Variants in INVS observed in about 807,000 individuals in gnomAD.
The protein encoded by INVS is inversion of embryo turning homolog.
Under a neutral mutation model 108.8 loss-of-function variants are expected in INVS, and 86 were observed. The ratio of observed to expected loss-of-function variants is 0.79; its 90% confidence interval spans 0.66 to 0.95. INVS has a LOEUF of 0.95. Among genes scored for constraint, INVS ranks in the 40% least tolerant of loss-of-function variants. INVS has a pLI of 0.00. For missense variants in INVS, 1,169 were observed against 1,297.4 expected (o/e 0.90, Z 1.52); for synonymous variants, 455 against 473.5 (o/e 0.96, Z 0.51).
At chr9:100,271,017 A>G (rs1028122632) in intron 11 of INVS, among the ~76,000 whole-genome samples, 2 of 152,160 alleles carry the variant, frequency 1.3e-5, no homozygotes, top group South Asian at 4.1e-4. Flanking sequence ...TGACAATAAT[A>G]TTCATCGTTT....
intron 3 of INVS, among the ~76,000 whole-genome samples, chr9:100,146,324 T>C (rs972865990): frequency 3.9e-5 from 6 of 151,956 alleles, no homozygotes; most frequent in Non-Finnish European, 8.8e-5. Context: ...CACAAGGTGC[T>C]CAGTAGGGGA....
At chr9:100,115,077 A>G (rs545069221) in intron 2 of INVS, among the ~76,000 whole-genome samples, 117 of 152,326 alleles carry the variant, frequency 7.7e-4, no homozygotes, top group African/African-American at 2.5e-3. Flanking sequence ...TTCTACAACT[A>G]GGTTCTACAT....
At chr9:100,235,634 T>G (rs1217412047) in intron 5 of INVS, among the ~76,000 whole-genome samples, 1 of 152,196 alleles carries the variant, frequency 6.6e-6, no homozygotes, top group East Asian at 1.9e-4. Flanking sequence ...AAGCTTAGTT[T>G]GGCTGGATAT....
intron 8 of INVS, among the ~76,000 whole-genome samples, chr9:100,249,950 T>C (rs1347608123): frequency 6.6e-6 from 1 of 151,784 alleles, no homozygotes; most frequent in Non-Finnish European, 1.5e-5. Flanking sequence ...GCTAACATTA[T>C]AAAAATGAGC....
At position 100,229,748 on chromosome 9, in the gene INVS, A is replaced by G; in HGVS notation, c.536A>G (p.Asp179Gly). Residue 179 changes from aspartate (D) to glycine (G), a missense_variant, in exon 5 of 17, where the codon GAT becomes GGT. Asp to Gly is a moderately conservative substitution (Grantham distance 94). Around this residue, in one of 3 missense-constraint regions of INVS, gnomAD observed 365 missense variants for 397.5 expected, o/e 0.92. Coordinates refer to ENST00000262457, the MANE Select transcript of INVS (RefSeq NM_014425.5). Reference protein sequence around the residue: ...IKHDSNIGIPDVEGKIPLHWA... With the variant: ...IKHDSNIGIPGVEGKIPLHWA... ...CATGATTCTAACATTGGGATTCCTG[A>G]TGTTGAAGGCAAGATCCCACTTCAC... The G allele has an allele frequency of 6.2e-7, 1 of 1,614,106 alleles. No individual in the cohort carries two copies. The highest frequency in any genetic ancestry group is 8.5e-7 in the Non-Finnish European group (1 of 1,179,976).
chr9:100,218,211 TTA>T (rs1394896706), intron 3 of INVS, among the ~76,000 whole-genome samples: 1 of 151,858 alleles, frequency 6.6e-6, no homozygotes, highest in Non-Finnish European at 1.5e-5. Flanking sequence ...TAGTGAACAT[TTA>T]TATATATATA....
chr9:100,156,160 C>T (rs545279189), intron 3 of INVS, among the ~76,000 whole-genome samples: 10 of 151,984 alleles, frequency 6.6e-5, no homozygotes, highest in South Asian at 4.2e-4. Flanking sequence ...CCACAGAAGC[C>T]GTGTTAAAGG....
chr9:100,277,714 C>CCTA (rs768393368), intron 12 of INVS, among the ~76,000 whole-genome samples: 21 of 152,172 alleles, frequency 1.4e-4, no homozygotes, highest in Admixed American at 2.6e-4. Flanking sequence ...GGTCCTAAGA[C>CCTA]ACACGACATT....
At chr9:100,172,217 C>A (rs1829564062) in intron 3 of INVS, among the ~76,000 whole-genome samples, 1 of 152,086 alleles carries the variant, frequency 6.6e-6, no homozygotes, top group Admixed American at 6.6e-5. Context: ...TGAATCTTAG[C>A]CCTTATTATC....
rs746617240 is a variant in INVS at position 100,284,431 on chromosome 9, G to T, written c.1896G>T (p.Val632=). 6.2e-7 allele frequency: 1 copy of T among 1,614,172 alleles called. No individual in the cohort carries two copies. Among genetic ancestry groups the T allele is most frequent in the Non-Finnish European group, 8.5e-7 (1 of 1,180,042 alleles). The change falls in exon 13 of 17, where the codon GTG becomes GTT. Residue 632 remains valine (V), a synonymous_variant. Coordinates refer to ENST00000262457, the MANE Select transcript of INVS (RefSeq NM_014425.5). ...CCTGTCTGCCTAGCACCCAGGATGT[G>T]CCCAGCAGGCAGAGCCGGGCCCCCA... ...ALPCLPSTQD[V]PSRQSRAPSK...
intron 3 of INVS, among the ~76,000 whole-genome samples, chr9:100,177,089 G>T (rs180751129): frequency 1.8e-4 from 28 of 151,862 alleles, no homozygotes; most frequent in African/African-American, 6.3e-4. Flanking sequence ...GGTGCATTCC[G>T]GTCCAGATAC....
chr9:100,155,553 G>T (rs990413624), intron 3 of INVS, among the ~76,000 whole-genome samples: 1 of 152,064 alleles, frequency 6.6e-6, no homozygotes, highest in Non-Finnish European at 1.5e-5. Context: ...GGCCAGGCTG[G>T]TCTCAAACTC....
rs183213557 is a variant in INVS, at chr9:100,153,909, C to T, written c.273+27360C>T. On this transcript the variant is annotated intron_variant, in intron 3 of 16. Coordinates refer to ENST00000262457, the MANE Select transcript of INVS (RefSeq NM_014425.5). ...TAATCACCTGTTAGGGATCCCACCT[C>T]GATACTGTCATAACGATGATTAAAT... Among the ~76,000 whole-genome samples the T allele has an allele frequency of 1.6e-3, 244 of 152,226 alleles. 1 individual carries two copies. Among genetic ancestry groups the T allele is most frequent in the African/African-American group, 5.6e-3 (231 of 41,530 alleles).
At chr9:100,222,540 G>C (rs1423333740) in intron 3 of INVS, among the ~76,000 whole-genome samples, 3 of 152,172 alleles carry the variant, frequency 2.0e-5, no homozygotes, top group Non-Finnish European at 2.9e-5. Flanking sequence ...TCATTACTGA[G>C]TTGCACTGTG....
chr9:100,116,281 A>G (rs527262064), intron 2 of INVS, among the ~76,000 whole-genome samples: 6 of 151,156 alleles, frequency 4.0e-5, no homozygotes, highest in Non-Finnish European at 7.4e-5. Context: ...GCTAATTTTT[A>G]TATTTTTAGT....
At chr9:100,156,423 G>C (rs1284637264) in intron 3 of INVS, among the ~76,000 whole-genome samples, 1 of 151,726 alleles carries the variant, frequency 6.6e-6, no homozygotes, top group Non-Finnish European at 1.5e-5. Flanking sequence ...ACTGCACCTG[G>C]CTATTTTTTT....
At chr9:100,109,278 TGA>T (rs1827268190) in intron 2 of INVS, among the ~76,000 whole-genome samples, 1 of 152,230 alleles carries the variant, frequency 6.6e-6, no homozygotes, top group African/African-American at 2.4e-5. Flanking sequence ...TTCACTTGTG[TGA>T]GAGTTAAATG....
chr9:100,104,600 A>G lies in INVS; in HGVS notation c.79A>G (p.Lys27Glu). ...CCATGCTGCTGCCGTTAATGGAGAT[A>G]AGGGTGCTCTACAGAGGCTCATCGT... Reference protein sequence around the residue: ...QVHAAAVNGDKGALQRLIVGN... With the variant: ...QVHAAAVNGDEGALQRLIVGN... Residue 27 changes from lysine to glutamate, a missense_variant, in exon 2 of 17, where the codon AAG becomes GAG. Physicochemically the swap from Lys to Glu is moderately conservative, Grantham distance 56 (BLOSUM62 1). Around this residue, in one of 3 missense-constraint regions of INVS, gnomAD observed 365 missense variants for 397.5 expected, o/e 0.92. Transcript: ENST00000262457. The G allele has an allele frequency of 6.2e-7, 1 of 1,613,938 alleles. No individual in the cohort carries two copies. The highest frequency in any genetic ancestry group is 8.5e-7 in the Non-Finnish European group (1 of 1,179,790).
At chr9:100,179,630 C>A (rs1238932088) in intron 3 of INVS, among the ~76,000 whole-genome samples, 1 of 152,074 alleles carries the variant, frequency 6.6e-6, no homozygotes, top group Admixed American at 6.6e-5. Context: ...CAGAACCACC[C>A]AGATTCATAA....
Sources: allele counts gnomAD v4.1 joint callset (sites outside exome capture counted in the v4.1 genomes callset), GRCh38; gene constraint gnomAD v4.1.1; regional missense constraint gnomAD v4.1.1; transcripts MANE v1.5; gene names NCBI Gene and HGNC (gene_info 2026-07-23, HGNC 2026-07-21).